ZBED4: variants seen among roughly 807,000 people sequenced by gnomAD.
ZBED4 encodes zinc finger BED-type containing 4, also known as zinc finger BED domain-containing protein 4.
ZBED4 carries 4 observed loss-of-function variants against 15.5 expected under a neutral mutation model. That is an observed-to-expected ratio of 0.26 (90% CI 0.13 to 0.59). The LOEUF is 0.59. Among genes scored for constraint, ZBED4 ranks in the 20% least tolerant of loss-of-function variants. The pLI, the probability that ZBED4 is intolerant of heterozygous loss-of-function variation, is 0.90. For synonymous variants in ZBED4, 692 were observed against 608.5 expected (o/e 1.14, Z -2.02); for missense variants, 1,323 against 1,461.8 (o/e 0.91, Z 1.55).
chr22:49,875,277 C>T (rs189326589), intron 1 of ZBED4, among the ~76,000 whole-genome samples: 77 of 150,516 alleles, frequency 5.1e-4, no homozygotes, highest in African/African-American at 1.7e-3. Context: ...GTCATCTGGG[C>T]CTGGGAGTTT....
rs140029928 is a variant in ZBED4, at chr22:49,862,424, G to T, written c.-330+8435G>T. 1.1e-3 allele frequency among the ~76,000 whole-genome samples: 166 copies of T among 152,336 alleles called. 1 individual carries two copies. The highest frequency in any genetic ancestry group is 3.8e-3 in the African/African-American group (160 of 41,578). On this transcript the variant is annotated intron_variant, in intron 1 of 1. Transcript: ENST00000216268. ...CAGCCTAGTGTAGCTTTATAAGTGT[G>T]TTTTTAAACCTTTTTTATTTTAAAG...
chr22:49,883,526 A>T lies in ZBED4; in HGVS notation c.-137A>T. On this transcript the variant is annotated 5_prime_UTR_variant, in exon 2 of 2. Coordinates refer to ENST00000216268, the MANE Select transcript of ZBED4 (RefSeq NM_014838.3). Reference sequence around the variant, plus strand: ...CTTTTTTTCAGTACTATTTATGATTAGCCATATTTCTAGAAACATCCTGAA... The same window carrying T: ...CTTTTTTTCAGTACTATTTATGATTTGCCATATTTCTAGAAACATCCTGAA... 1.7e-6 allele frequency: 2 copies of T among 1,198,540 alleles called. No homozygotes were observed. Among genetic ancestry groups the T allele is most frequent in the Non-Finnish European group, 2.3e-6 (2 of 885,184 alleles). 74.2% of individuals were successfully genotyped at this position (1,198,540 alleles called of 1,614,324 possible).
chr22:49,858,337 C>A (rs1157966261), intron 1 of ZBED4, among the ~76,000 whole-genome samples: 1 of 152,198 alleles, frequency 6.6e-6, no homozygotes, highest in African/African-American at 2.4e-5. Context: ...TCAGGTGTAG[C>A]CCCGATGGTA....
chr22:49,870,278 G>C (rs2060340444), intron 1 of ZBED4, among the ~76,000 whole-genome samples: 1 of 152,196 alleles, frequency 6.6e-6, no homozygotes, highest in South Asian at 2.1e-4. Context: ...ATAGTGCTGT[G>C]ATGAACATAC....
chr22:49,883,136 C>CT (rs2060417891), intron 1 of ZBED4, among the ~76,000 whole-genome samples, 198 bp from the exon 2 acceptor site: 1 of 152,028 alleles, frequency 6.6e-6, no homozygotes, highest in East Asian at 1.9e-4. Flanking sequence ...TTTCATGTCT[C>CT]TATTTTTTGC....
intron 1 of ZBED4, among the ~76,000 whole-genome samples, chr22:49,870,629 A>G (rs1399100329): frequency 6.6e-6 from 1 of 151,892 alleles, no homozygotes; most frequent in Non-Finnish European, 1.5e-5. Context: ...TCTCCTTTCG[A>G]GAAGTATCTG....
intron 1 of ZBED4, among the ~76,000 whole-genome samples, chr22:49,875,424 T>TTC (rs1264016715): frequency 6.6e-6 from 1 of 151,042 alleles, no homozygotes; most frequent in Non-Finnish European, 1.5e-5. Context: ...TTTTCTTTTT[T>TTC]TTTTTCTTTT....
At chr22:49,868,622 A>G (rs2060332106) in intron 1 of ZBED4, among the ~76,000 whole-genome samples, 2 of 152,174 alleles carry the variant, frequency 1.3e-5, no homozygotes, top group Non-Finnish European at 2.9e-5. Context: ...AAACTCTTGG[A>G]CACGATGTGA....
At chr22:49,883,120 ATTT>A (rs758072155) in intron 1 of ZBED4, among the ~76,000 whole-genome samples, 6 of 151,536 alleles carry the variant, frequency 4.0e-5, no homozygotes, top group Non-Finnish European at 7.4e-5. Context: ...GGCCACTTGC[ATTT>A]TTTTTCATGT....
In ZBED4 at chr22:49,886,103, G is replaced by A. The variant is rs2060437237; in HGVS notation, c.2441G>A (p.Gly814Glu). The A allele has an allele frequency of 1.5e-6, 1 of 680,916 alleles. No individual in the cohort carries two copies. Among genetic ancestry groups the A allele is most frequent in the Non-Finnish European group, 2.7e-6 (1 of 370,288 alleles). 42.2% of individuals were successfully genotyped at this position (680,916 alleles called of 1,614,324 possible). A position where few individuals can be genotyped will look rare whatever the true frequency, so the allele number is the denominator to read the frequency against. ...GITVTDNASIGKTLNEGEHSS... is the reference protein window; with the variant it reads ...GITVTDNASIEKTLNEGEHSS... ...ACCGTCACCGACAACGCCAGCATCG[G>A]GAAGACGCTGAACGAGGGGGAGCAC... is the stretch of plus-strand genomic sequence containing the variant. Residue 814 changes from glycine to glutamate, a missense_variant, in exon 2 of 2, where the codon GGG becomes GAG. Gly to Glu is a moderately conservative substitution (Grantham distance 98). Transcript: ENST00000216268. This position sits in a 1 kb window ranked among gnomAD's most constrained non-coding sequence, Gnocchi z 7.7.
intron 1 of ZBED4, among the ~76,000 whole-genome samples, chr22:49,868,242 T>G (rs2060330633): frequency 6.6e-6 from 1 of 152,160 alleles, no homozygotes; most frequent in African/African-American, 2.4e-5. Context: ...TTGAGAGATT[T>G]GGGGAAACTA....
chr22:49,874,169 T>C (rs2060362861), intron 1 of ZBED4, among the ~76,000 whole-genome samples: 2 of 152,144 alleles, frequency 1.3e-5, no homozygotes, highest in South Asian at 4.1e-4. Context: ...CAGTGCTGTA[T>C]AGAATATGCC....
Position 49,884,037 on chromosome 22 carries a change from T to A in ZBED4, c.375T>A (p.Phe125Leu), listed in dbSNP as rs775339778. 8.1e-6 allele frequency: 13 copies of A among 1,604,832 alleles called. No homozygotes were observed. In the African/African-American group the frequency reaches 8.1e-5, roughly 10 times the overall value. ...RKKSPAWKHF[F>L]ISPRDSTKAI... Reference sequence around the variant, plus strand: ...AGTCTCCAGCCTGGAAGCATTTTTTTATCTCTCCCCGAGACAGCACTAAAG... The same window carrying A: ...AGTCTCCAGCCTGGAAGCATTTTTTAATCTCTCCCCGAGACAGCACTAAAG... The change falls in exon 2 of 2, where the codon TTT becomes TTA. Residue 125 changes from phenylalanine to leucine, a missense_variant. By Grantham distance (22) the Phe-to-Leu change is conservative. Coordinates refer to ENST00000216268, the MANE Select transcript of ZBED4 (RefSeq NM_014838.3).
chr22:49,871,190 G>A (rs112519965), intron 1 of ZBED4, among the ~76,000 whole-genome samples: 175 of 12,902 alleles, frequency 0.014, 2 homozygotes, highest in African/African-American at 0.07. Context: ...GACTACAGGC[G>A]TGAGTCACTG....
intron 1 of ZBED4, among the ~76,000 whole-genome samples, chr22:49,872,822 C>T (rs2060355392): frequency 6.6e-6 from 1 of 152,016 alleles, no homozygotes; most frequent in South Asian, 2.1e-4. Flanking sequence ...TCTCCTGCCT[C>T]AGCCTCCCGA....
Position 49,884,515 on chromosome 22 carries a change from A to G in ZBED4, c.853A>G (p.Arg285Gly). Residue 285 changes from arginine to glycine, a missense_variant, in exon 2 of 2, where the codon AGG becomes GGG. Physicochemically the swap from Arg to Gly is moderately radical, Grantham distance 125 (BLOSUM62 -2). This residue lies in a region of ZBED4 where 380 missense variants were observed against 413.7 expected (regional missense o/e 0.92). Coordinates refer to ENST00000216268, the MANE Select transcript of ZBED4 (RefSeq NM_014838.3). ...ACTTCCAAAGAGCACCTCTGGGTCC[A>G]GGAGAAGGTCCGCTGTCTGGAAGCA... ...LPLPKSTSGS[R>G]RRSAVWKHFY... 6.2e-7 allele frequency: 1 copy of G among 1,614,188 alleles called. No individual in the cohort carries two copies. Among genetic ancestry groups the G allele is most frequent in the Non-Finnish European group, 8.5e-7 (1 of 1,180,034 alleles).
chr22:49,859,061 C>T (rs1225341917), intron 1 of ZBED4, among the ~76,000 whole-genome samples: 7 of 152,120 alleles, frequency 4.6e-5, no homozygotes, highest in South Asian at 4.1e-4. Context: ...GGGGGTGTCT[C>T]GGGGTGTGTG....
At position 49,887,086 on chromosome 22, in the gene ZBED4, G is replaced by A. The variant is rs773950648; in HGVS notation, c.3424G>A (p.Gly1142Ser). 27 of 1,614,044 alleles carry A rather than the reference G, an allele frequency of 1.7e-5. No homozygotes were observed. Among genetic ancestry groups the A allele is most frequent in the Middle Eastern group, 1.6e-4 (1 of 6,084 alleles). The change falls in exon 2 of 2, where the codon GGT becomes AGT. Residue 1142 changes from glycine (G) to serine (S), a missense_variant. Transcript: ENST00000216268. ...GCTGTTCAACACACCCACTGAGAAC[G>A]GTAGCCTTGGCCAATCCAGGCTCAT... ...EKLFNTPTEN[G>S]SLGQSRLMME...
At chr22:49,874,968 C>A (rs988065297) in intron 1 of ZBED4, among the ~76,000 whole-genome samples, 6 of 152,056 alleles carry the variant, frequency 3.9e-5, no homozygotes, top group African/African-American at 1.4e-4. Context: ...CAGGTGTGAG[C>A]CACTGCACCC....
Sources: allele counts gnomAD v4.1 joint callset (sites outside exome capture counted in the v4.1 genomes callset), GRCh38; gene constraint gnomAD v4.1.1; regional missense constraint gnomAD v4.1.1; non-coding constraint Gnocchi (gnomAD v3.1); transcripts MANE v1.5; gene names NCBI Gene and HGNC (gene_info 2026-07-23, HGNC 2026-07-21).